Variants in CSMD1 observed in about 807,000 individuals in gnomAD.
The protein encoded by CSMD1 is CUB and Sushi multiple domains 1.
In CSMD1, 213 loss-of-function variants were observed where a neutral mutation model predicts 417.5. That is an observed-to-expected ratio of 0.51 (90% CI 0.46 to 0.57). The LOEUF is 0.57. CSMD1 is among the 20% of genes least tolerant of loss of function. CSMD1 has a pLI of 0.00. For synonymous variants in CSMD1, 2,862 were observed against 1,736.8 expected (o/e 1.65, Z -16.11); for missense variants, 6,923 against 4,529.7 (o/e 1.53, Z -15.17).
chr8:4,595,387 C>CTTTTTTTTTTT, intron 2 of CSMD1, among the ~76,000 whole-genome samples: 20 of 147,274 alleles, frequency 1.4e-4, no homozygotes, highest in South Asian at 2.2e-4. Context: ...CATTCATTTT[C>CTTTTTTTTTTT]ATTCCATCCA....
chr8:4,349,462 A>G (rs898353404), intron 3 of CSMD1, among the ~76,000 whole-genome samples: 1 of 152,186 alleles, frequency 6.6e-6, no homozygotes, highest in African/African-American at 2.4e-5. Context: ...GATATGTCTC[A>G]GGTTATATAG....
At chr8:3,448,560 G>T (rs917569029) in intron 12 of CSMD1, among the ~76,000 whole-genome samples, 1 of 152,032 alleles carries the variant, frequency 6.6e-6, no homozygotes, top group African/African-American at 2.4e-5. Flanking sequence ...GAAAAGTGAA[G>T]GTTTGTAGGA....
At chr8:3,610,416 T>G (rs1383265171) in intron 8 of CSMD1, among the ~76,000 whole-genome samples, 1 of 151,908 alleles carries the variant, frequency 6.6e-6, no homozygotes, top group East Asian at 1.9e-4. Context: ...ATGCTTATAC[T>G]CCCAACTACA....
chr8:4,236,230 C>T (rs1053502794), intron 3 of CSMD1, among the ~76,000 whole-genome samples: 3 of 151,976 alleles, frequency 2.0e-5, no homozygotes, highest in Admixed American at 6.6e-5. Context: ...TATAATCCAT[C>T]GCATCACCTA....
rs146530248 is a variant in CSMD1 at position 3,483,169 on chromosome 8, C to T, written c.1448+10454G>A. Among the ~76,000 whole-genome samples, 971 of 151,816 alleles carry T rather than the reference C, an allele frequency of 6.4e-3. 10 individuals are homozygous for T. In the Middle Eastern group the frequency reaches 0.069, roughly 11 times the overall value. ...AATAGATAAACAGTAGAAAAAATAA[C>T]GAAACAAATATTCTCTTTCAAAAAT... On this transcript the variant is annotated intron_variant, in intron 11 of 69. Transcript: ENST00000635120.
At chr8:3,125,099 T>C (rs1308711917) in intron 41 of CSMD1, among the ~76,000 whole-genome samples, 1 of 152,262 alleles carries the variant, frequency 6.6e-6, no homozygotes, top group African/African-American at 2.4e-5. Context: ...TTGGATTCAC[T>C]GTCACACTTC....
At chr8:4,832,124 G>A (rs1275410663) in intron 1 of CSMD1, among the ~76,000 whole-genome samples, 1 of 152,116 alleles carries the variant, frequency 6.6e-6, no homozygotes, top group African/African-American at 2.4e-5. Context: ...CACTGAACTG[G>A]CATGTATCTC....
chr8:3,769,138 G>T (rs1170198384), intron 5 of CSMD1, among the ~76,000 whole-genome samples: 1 of 152,136 alleles, frequency 6.6e-6, no homozygotes, highest in Non-Finnish European at 1.5e-5. Context: ...CAGTTAAATT[G>T]ATTAAAAGAT....
intron 5 of CSMD1, among the ~76,000 whole-genome samples, chr8:3,883,569 C>A (rs565382688): frequency 6.6e-6 from 1 of 152,172 alleles, no homozygotes; most frequent in South Asian, 2.1e-4. Context: ...CTGATGCCTT[C>A]AAGGAATAGT....
intron 4 of CSMD1, among the ~76,000 whole-genome samples, chr8:4,002,802 T>C (rs964043942): frequency 1.3e-5 from 2 of 152,154 alleles, no homozygotes; most frequent in African/African-American, 2.4e-5. Context: ...TTTTAAAATA[T>C]CAACTTAAAA....
chr8:4,733,447 G>T (rs980065152), intron 1 of CSMD1, among the ~76,000 whole-genome samples: 2 of 152,190 alleles, frequency 1.3e-5, no homozygotes, highest in Non-Finnish European at 2.9e-5. Flanking sequence ...GTAGGTGTCG[G>T]AGAAGGAGCT....
At chr8:3,185,313 A>C (rs1821678192) in intron 36 of CSMD1, among the ~76,000 whole-genome samples, 1 of 152,260 alleles carries the variant, frequency 6.6e-6, no homozygotes, top group Non-Finnish European at 1.5e-5. Flanking sequence ...ATTAATAAAA[A>C]GGAGATTGTT....
chr8:4,179,376 T>G (rs1798229053), intron 3 of CSMD1, among the ~76,000 whole-genome samples: 1 of 152,174 alleles, frequency 6.6e-6, no homozygotes, highest in African/African-American at 2.4e-5. Flanking sequence ...GCTAGCCATA[T>G]GTAGAAAGCT....
At chr8:3,431,836 C>T (rs1443325661) in intron 12 of CSMD1, among the ~76,000 whole-genome samples, 1 of 152,194 alleles carries the variant, frequency 6.6e-6, no homozygotes, top group African/African-American at 2.4e-5. Flanking sequence ...ATACAATTGT[C>T]ATTTCCTACC....
intron 5 of CSMD1, among the ~76,000 whole-genome samples, chr8:3,857,420 T>G (rs138931187): frequency 1.3e-5 from 2 of 152,240 alleles, no homozygotes; most frequent in East Asian, 3.9e-4. Context: ...AAACAAAAAC[T>G]GTGATGGTAA....
chr8:4,098,889 G>A (rs1487134304), intron 3 of CSMD1, among the ~76,000 whole-genome samples: 1 of 152,134 alleles, frequency 6.6e-6, no homozygotes, highest in Non-Finnish European at 1.5e-5. Flanking sequence ...AAGCACTGAG[G>A]ACCAACTGTG....
intron 2 of CSMD1, among the ~76,000 whole-genome samples, chr8:4,601,420 C>G (rs1203757062): frequency 1.3e-5 from 2 of 152,156 alleles, no homozygotes; most frequent in African/African-American, 4.8e-5. Context: ...TCTTCACAGC[C>G]TCAGACCCAC....
At chr8:4,356,639 C>A (rs1421444772) in intron 3 of CSMD1, among the ~76,000 whole-genome samples, 1 of 152,086 alleles carries the variant, frequency 6.6e-6, no homozygotes, top group East Asian at 1.9e-4. Context: ...TTATTCTGGT[C>A]CTGCGAAGGT....
intron 3 of CSMD1, among the ~76,000 whole-genome samples, chr8:4,323,905 C>G (rs1251846811): frequency 1.3e-5 from 2 of 152,112 alleles, no homozygotes; most frequent in Middle Eastern, 3.2e-3. Flanking sequence ...TCTTGGAGTT[C>G]TGAGCCTGGG....
Sources: gnomAD v4.1 joint callset for allele counts (sites outside exome capture counted in the v4.1 genomes callset) on GRCh38, gnomAD v4.1.1 for gene constraint, MANE v1.5 for transcripts, NCBI Gene and HGNC (gene_info 2026-07-23, HGNC 2026-07-21) for gene names.